The following LOXHD1 variants were observed in gnomAD, a reference collection of about 807,000 sequenced individuals.
LOXHD1 encodes lipoxygenase homology PLAT domains 1.
LOXHD1 carries 205 observed loss-of-function variants against 248.2 expected under a neutral mutation model. The observed-to-expected ratio is 0.83, with a 90% CI of 0.74 to 0.93. The LOEUF is 0.93. LOXHD1 is among the 40% of genes least tolerant of loss of function. The probability of loss-of-function intolerance (pLI) is 0.00; values close to 1 mark genes in which losing one functional copy is unlikely to be tolerated. For synonymous variants in LOXHD1, 1,113 were observed against 1,162.8 expected, an observed-to-expected ratio of 0.96 and a Z score of 0.87; for missense variants, 2,930 against 2,971.6, an observed-to-expected ratio of 0.99 and a Z score of 0.33.
intron 29 of LOXHD1, among the ~76,000 whole-genome samples, chr18:46,525,225 C>T (rs546497318): frequency 5.9e-5 from 9 of 152,304 alleles, no homozygotes; most frequent in African/African-American, 2.2e-4. Flanking sequence ...GGGCTGGGAC[C>T]TGAAGGTCAT....
intron 2 of LOXHD1, 129 bp downstream of exon 2, chr18:46,649,026 C>T: frequency 1.3e-6 from 1 of 749,868 alleles, no homozygotes; most frequent in South Asian, 1.6e-5. Context: ...TTAGCAGAGG[C>T]TTCATACCAC....
chr18:46,632,070 G>A, intron 4 of LOXHD1, among the ~76,000 whole-genome samples: 1 of 152,212 alleles, frequency 6.6e-6, no homozygotes, highest in Non-Finnish European at 1.5e-5. Flanking sequence ...GCAGTGGGGA[G>A]GCACTCTGTG....
At chr18:46,483,892 T>C in intron 39 of LOXHD1, 147 bp from the exon 40 acceptor site, 1 of 928,438 alleles carries the variant, frequency 1.1e-6, no homozygotes, top group Non-Finnish European at 1.6e-6. Flanking sequence ...CTGGAGGCTT[T>C]GAGGGGTTCA....
intron 14 of LOXHD1, among the ~76,000 whole-genome samples, chr18:46,573,439 G>A (rs986395277): frequency 5.3e-5 from 8 of 152,162 alleles, no homozygotes; most frequent in African/African-American, 7.2e-5. Context: ...AATAGATACC[G>A]TTCATTGTTC....
chr18:46,554,203 C>T (rs899193070), intron 21 of LOXHD1, among the ~76,000 whole-genome samples: 2 of 152,152 alleles, frequency 1.3e-5, no homozygotes, highest in Admixed American at 6.5e-5. Flanking sequence ...TGAGGTCAGA[C>T]TCATGCTCTT....
chr18:46,626,754 G>A (rs1387663965), intron 4 of LOXHD1, among the ~76,000 whole-genome samples: 2 of 152,162 alleles, frequency 1.3e-5, no homozygotes, highest in Admixed American at 6.5e-5. Flanking sequence ...CAGTACTTAA[G>A]TTCAAGCCTC....
At chr18:46,541,739 C>G in intron 25 of LOXHD1, 37 bp downstream of exon 25, 1 of 1,550,802 alleles carries the variant, frequency 6.4e-7, no homozygotes, top group South Asian at 1.2e-5. Flanking sequence ...TGATGGGGCC[C>G]CAGAGAAGGG....
At position 46,477,558 on chromosome 18, in the gene LOXHD1, C is replaced by T. The variant is rs768545020; in HGVS notation, c.6736G>A (p.Val2246Met). 42 of 1,551,568 alleles carry T rather than the reference C, an allele frequency of 2.7e-5. No homozygotes were observed. The South Asian group carries it at 3.2e-4, about 12-fold the overall frequency. ...KVEVTNTSTGVATIFNCGRWL... is the reference protein window; with the variant it reads ...KVEVTNTSTGMATIFNCGRWL... ...CTGCCACAGTTGAAGATGGTGGCCA[C>T]GCCGGTGCTGGTGTTGGTGACCTCC... The change falls in exon 41 of 41, where the codon GTG (valine) becomes ATG (methionine). Residue 2246 changes from valine (V) to methionine (M), a missense_variant. Transcript: ENST00000642948.
intron 34 of LOXHD1, among the ~76,000 whole-genome samples, chr18:46,516,675 TATC>T (rs1292657709): frequency 3.3e-5 from 5 of 150,592 alleles, no homozygotes; most frequent in African/African-American, 1.2e-4. Flanking sequence ...CCATCACAAT[TATC>T]ATCCCTACCA....
chr18:46,620,303 C>T (rs1183078064), intron 4 of LOXHD1, among the ~76,000 whole-genome samples: 1 of 152,204 alleles, frequency 6.6e-6, no homozygotes, highest in Non-Finnish European at 1.5e-5. Context: ...CAAGACCCCT[C>T]TTCAGGGTGG....
chr18:46,482,398 C>T lies in LOXHD1; in HGVS notation c.6341+1189G>A, dbSNP rs1055340372. Among the ~76,000 whole-genome samples, 5 of 152,180 alleles carry T rather than the reference C, an allele frequency of 3.3e-5. No individual in the cohort carries two copies. The East Asian group carries it at 5.8e-4, about 18-fold the overall frequency. ...AAACCAGAGCTCTCTCTCTCTGCCA[C>T]GTGAGGACACAGAGAGAAGGCGGCC... On this transcript the variant is annotated intron_variant, in intron 40 of 40. Transcript: ENST00000642948.
chr18:46,655,586 T>C (rs2039170094), intron 1 of LOXHD1, among the ~76,000 whole-genome samples: 1 of 152,150 alleles, frequency 6.6e-6, no homozygotes, highest in Non-Finnish European at 1.5e-5. Flanking sequence ...TGTTAGAAGG[T>C]GGCGGATGCT....
intron 6 of LOXHD1, among the ~76,000 whole-genome samples, chr18:46,608,597 T>C (rs1449775813): frequency 1.3e-5 from 2 of 152,214 alleles, no homozygotes; most frequent in Non-Finnish European, 2.9e-5. Flanking sequence ...CTCCCCGCTT[T>C]GCCCAGCTAA....
intron 10 of LOXHD1, 147 bp downstream of exon 10, chr18:46,593,453 T>C (rs964648607): frequency 1.3e-6 from 1 of 791,820 alleles, no homozygotes; most frequent in Non-Finnish European, 2.0e-6. Flanking sequence ...CAAATTTGTC[T>C]CCCTTTGCAG....
At chr18:46,638,945 G>A (rs1389371770) in intron 4 of LOXHD1, among the ~76,000 whole-genome samples, 1 of 152,184 alleles carries the variant, frequency 6.6e-6, no homozygotes, top group African/African-American at 2.4e-5. Context: ...TATGAGAGCA[G>A]GGTATTCTGG....
chr18:46,601,266 G>A lies in LOXHD1; in HGVS notation c.1085C>T (p.Ser362Phe), dbSNP rs959656345. 6.4e-7 allele frequency: 1 copy of A among 1,551,742 alleles called. No homozygotes were observed. Among genetic ancestry groups the A allele is most frequent in the Admixed American group, 2.0e-5 (1 of 51,014 alleles). ...AVLLSPLSRV[S>F]VGHGNVGVNR... ...GACACCCACATTGCCATGCCCGACG[G>A]AGACCCGACTCAGGGGGCTAAGGAG... The change falls in exon 8 of 41, where the codon TCC becomes TTC. Residue 362 changes from serine to phenylalanine, a missense_variant. Coordinates refer to ENST00000642948, the MANE Select transcript of LOXHD1 (RefSeq NM_001384474.1).
intron 40 of LOXHD1, among the ~76,000 whole-genome samples, chr18:46,481,795 A>G (rs753347827): frequency 9.2e-5 from 14 of 152,352 alleles, no homozygotes; most frequent in Non-Finnish European, 1.2e-4. Flanking sequence ...ACTGAGGCCC[A>G]GGACTGTGGG....
At chr18:46,499,596 C>T (rs2034096435) in intron 37 of LOXHD1, among the ~76,000 whole-genome samples, 1 of 152,096 alleles carries the variant, frequency 6.6e-6, no homozygotes, top group South Asian at 2.1e-4. Context: ...TTCCACATTA[C>T]AAAAAGGACC....
intron 37 of LOXHD1, among the ~76,000 whole-genome samples, chr18:46,504,493 A>G (rs970308398): frequency 6.6e-6 from 1 of 152,252 alleles, no homozygotes; most frequent in Non-Finnish European, 1.5e-5. Flanking sequence ...GATGTTCCGT[A>G]TACAAATGAC....
Sources: allele counts gnomAD v4.1 joint callset (sites outside exome capture counted in the v4.1 genomes callset), GRCh38; gene constraint gnomAD v4.1.1; transcripts MANE v1.5; gene names NCBI Gene and HGNC (gene_info 2026-07-23, HGNC 2026-07-21).